SBNO1: variants seen among roughly 807,000 people sequenced by gnomAD.
SBNO1 encodes the protein protein strawberry notch homolog 1.
Under a neutral mutation model 173.6 loss-of-function variants are expected in SBNO1, and 23 were observed. That is an observed-to-expected ratio of 0.13 (90% CI 0.10 to 0.19). The LOEUF (loss-of-function observed/expected upper bound fraction) is 0.19. Among genes scored for constraint, SBNO1 ranks in the 10% least tolerant of loss-of-function variants. The pLI is 1.00. For synonymous variants in SBNO1, 632 were observed against 571.5 expected (o/e 1.11, Z -1.51); for missense variants, 1,238 against 1,671.2 (o/e 0.74, Z 4.52).
chr12:123,293,471 C>T lies in SBNO1; in HGVS notation c.*2437G>A, dbSNP rs935231481. 6.6e-6 allele frequency: 1 copy of T among 152,132 alleles called. No individual in the cohort carries two copies. The highest frequency in any genetic ancestry group is 1.5e-5 in the Non-Finnish European group (1 of 68,036). The allele number at this position is 152,132 out of a possible 1,614,324, so 9.4% of individuals were successfully genotyped here. On this transcript the variant is annotated 3_prime_UTR_variant, in exon 32 of 32. Transcript: ENST00000602398. ...CCACAGTGTAAAGGTCGGATGTCCACCTGAAGAAGGGGTGGGTGCAACTCT... is the reference window on the plus strand; with the variant it reads ...CCACAGTGTAAAGGTCGGATGTCCATCTGAAGAAGGGGTGGGTGCAACTCT...
At chr12:123,364,236 C>T in intron 1 of SBNO1, 1 of 985,628 alleles carries the variant, frequency 1.0e-6, no homozygotes, top group Non-Finnish European at 1.2e-6. Context: ...CCTCCCTCGC[C>T]CAGAGCCGGG....
chr12:123,364,308 C>T (rs1390526664), intron 1 of SBNO1: 2 of 985,558 alleles, frequency 2.0e-6, no homozygotes, highest in East Asian at 2.3e-4. Context: ...CCCCGCGGGT[C>T]CCGGACCCGC....
At chr12:123,360,802 T>C (rs899757360) in intron 1 of SBNO1, among the ~76,000 whole-genome samples, 3 of 152,054 alleles carry the variant, frequency 2.0e-5, no homozygotes, top group Non-Finnish European at 4.4e-5. Flanking sequence ...TTTTCAACAG[T>C]ACTTTCAGTA....
chr12:123,324,319 TTTTTC>T (rs1870347403), intron 15 of SBNO1, among the ~76,000 whole-genome samples: 1 of 72,030 alleles, frequency 1.4e-5, no homozygotes, highest in Non-Finnish European at 2.5e-5. Context: ...ATGTCTTGCT[TTTTTC>T]TTTTTTTTTT....
At chr12:123,350,253 A>G in intron 2 of SBNO1, 57 bp downstream of exon 2, 1 of 1,599,662 alleles carries the variant, frequency 6.3e-7, no homozygotes, top group African/African-American at 1.3e-5. Flanking sequence ...GACTATCTTA[A>G]AAAAAAATAC....
intron 1 of SBNO1, among the ~76,000 whole-genome samples, chr12:123,356,554 G>A (rs1874485083): frequency 6.6e-6 from 1 of 152,178 alleles, no homozygotes; most frequent in South Asian, 2.1e-4. Flanking sequence ...CGATTCTCCT[G>A]CCTCAGACTC....
chr12:123,303,029 T>C, intron 29 of SBNO1, 129 bp from the exon 30 acceptor site: 2 of 678,236 alleles, frequency 2.9e-6, no homozygotes, highest in South Asian at 3.8e-5. Context: ...ACCCTTGCTA[T>C]TAACTGAATC....
At chr12:123,347,944 G>T in intron 3 of SBNO1, 85 bp downstream of exon 3, 1 of 744,982 alleles carries the variant, frequency 1.3e-6, no homozygotes. Context: ...TGAGACTACA[G>T]GTGCGAATCA....
rs757386717 is a variant in SBNO1 at position 123,348,020 on chromosome 12, C to T, written c.237+9G>A. The stretch of plus-strand genomic sequence containing the variant: ...TTTAGAAGTAACGACGAATCTAAAT[C>T]ATTCTTACCCTCACATTTAATAGTG... On this transcript the variant is annotated intron_variant, in intron 3 of 31. Transcript: ENST00000602398. 6.6e-7 allele frequency: 1 copy of T among 1,521,794 alleles called. No homozygotes were observed. The highest frequency in any genetic ancestry group is 1.7e-5 in the Admixed American group (1 of 58,210). 94.3% of individuals were successfully genotyped at this position (1,521,794 alleles called of 1,614,324 possible). A position where few individuals can be genotyped will look rare whatever the true frequency, so the allele number is the denominator to read the frequency against.
intron 3 of SBNO1, among the ~76,000 whole-genome samples, chr12:123,346,498 A>T (rs1873160568): frequency 6.6e-6 from 1 of 151,156 alleles, no homozygotes; most frequent in African/African-American, 2.4e-5. Flanking sequence ...CCCCGTCTCT[A>T]CTAAAAATAC....
intron 1 of SBNO1, among the ~76,000 whole-genome samples, chr12:123,352,244 T>G (rs936092889): frequency 6.6e-6 from 1 of 152,254 alleles, no homozygotes; most frequent in African/African-American, 2.4e-5. Context: ...GCTAGTCCAT[T>G]TGTTCTCAGA....
At chr12:123,316,081 CA>C (rs754721663) in intron 21 of SBNO1, among the ~76,000 whole-genome samples, 59 of 152,072 alleles carry the variant, frequency 3.9e-4, no homozygotes, top group Non-Finnish European at 7.5e-4. Context: ...CTTGGAACCC[CA>C]CAAATTCCCA....
chr12:123,336,334 A>G, intron 6 of SBNO1, 61 bp downstream of exon 6: 1 of 1,083,080 alleles, frequency 9.2e-7, no homozygotes, highest in Non-Finnish European at 1.4e-6. Flanking sequence ...CAAAACAAAA[A>G]GAACCAAAGA....
chr12:123,322,463 A>G (rs1341392862), intron 16 of SBNO1, among the ~76,000 whole-genome samples: 2 of 152,220 alleles, frequency 1.3e-5, no homozygotes, highest in Admixed American at 1.3e-4. Context: ...AGTCCTGGCT[A>G]AGTTTTTAAT....
rs1047843367 is a variant in SBNO1 at position 123,364,357 on chromosome 12, C to T, written c.-1+344G>A. 3 of 985,192 alleles carry T rather than the reference C, an allele frequency of 3.0e-6. No individual in the cohort carries two copies. In the African/African-American group the frequency reaches 5.2e-5, roughly 17 times the overall value. 61.0% of individuals were successfully genotyped at this position (985,192 alleles called of 1,614,324 possible). A position where few individuals can be genotyped will look rare whatever the true frequency, so the allele number is the denominator to read the frequency against. ...TGAGGCGGAAGCCAAAGGGGCGAAC[C>T]CAGCGGAGCCGGCGTGCACAGACCC... On this transcript the variant is annotated intron_variant, in intron 1 of 31. Coordinates refer to ENST00000602398, the MANE Select transcript of SBNO1 (RefSeq NM_001167856.3).
At chr12:123,301,718 T>C (rs1055486653) in intron 30 of SBNO1, among the ~76,000 whole-genome samples, 1 of 152,036 alleles carries the variant, frequency 6.6e-6, no homozygotes, top group Non-Finnish European at 1.5e-5. Context: ...TCTTAGACAT[T>C]CCCTAGATCT....
In SBNO1 at chr12:123,290,965, G is replaced by T. The variant is rs542736505; in HGVS notation, c.*4943C>A. On this transcript the variant is annotated 3_prime_UTR_variant, in exon 32 of 32. Coordinates refer to ENST00000602398, the MANE Select transcript of SBNO1 (RefSeq NM_001167856.3). ...GTTTCACCGTGTTAGCCAGGAGATG[G>T]TCTCAATCTCCTGACCTCATGATCC... 2.6e-5 allele frequency: 4 copies of T among 151,830 alleles called. No homozygotes were observed. Among genetic ancestry groups the T allele is most frequent in the African/African-American group, 9.7e-5 (4 of 41,340 alleles). The allele number at this position is 151,830 out of a possible 1,614,324, so 9.4% of individuals were successfully genotyped here.
chr12:123,337,657 T>A (rs143365448), intron 5 of SBNO1, among the ~76,000 whole-genome samples: 2 of 152,148 alleles, frequency 1.3e-5, no homozygotes, highest in Non-Finnish European at 2.9e-5. Context: ...AAAATAAAAC[T>A]CAATTTCGGA....
chr12:123,357,815 T>C (rs1476434117), intron 1 of SBNO1, among the ~76,000 whole-genome samples: 3 of 152,206 alleles, frequency 2.0e-5, no homozygotes, highest in Admixed American at 1.3e-4. Context: ...CTACCCTTCA[T>C]AGGACCTTGC....
Sources: gnomAD v4.1 joint callset for allele counts (sites outside exome capture counted in the v4.1 genomes callset) on GRCh38, gnomAD v4.1.1 for gene constraint, MANE v1.5 for transcripts, NCBI Gene and HGNC (gene_info 2026-07-23, HGNC 2026-07-21) for gene names.